The following XKR6 variants were observed in gnomAD, a reference collection of about 807,000 sequenced individuals.
XKR6 encodes the protein XK-related protein 6.
In XKR6, 22 loss-of-function variants were observed where a neutral mutation model predicts 56.7. That is an observed-to-expected ratio of 0.39 (90% CI 0.28 to 0.55). XKR6 has a LOEUF of 0.55. Ranked by LOEUF, XKR6 falls within the 20% of genes least tolerant of loss-of-function variation. The probability of loss-of-function intolerance (pLI) is 0.66; values close to 1 mark genes in which losing one functional copy is unlikely to be tolerated. For synonymous variants in XKR6, 524 were observed against 387.8 expected, an observed-to-expected ratio of 1.35 and a Z score of -4.13; for missense variants, 852 against 889.0, an observed-to-expected ratio of 0.96 and a Z score of 0.53.
intron 2 of XKR6, among the ~76,000 whole-genome samples, chr8:10,916,560 G>A (rs959764743): frequency 5.9e-5 from 9 of 152,190 alleles, no homozygotes; most frequent in Middle Eastern, 3.2e-3. Flanking sequence ...CTGATCAACC[G>A]ATCCAACTGA....
rs184806168 is a variant in XKR6 at position 11,086,943 on chromosome 8, G to A, written c.764+113633C>T. The stretch of plus-strand genomic sequence containing the variant: ...CAGGGATCAGTCCCACCTTCTTAGC[G>A]ATCTCCAGGCAGTGGCTCCATGGTC... On this transcript the variant is annotated intron_variant, in intron 1 of 2. Transcript: ENST00000416569. 5.9e-5 allele frequency among the ~76,000 whole-genome samples: 9 copies of A among 152,312 alleles called. No individual in the cohort carries two copies. The East Asian group carries it at 7.7e-4, about 13-fold the overall frequency.
intron 1 of XKR6, among the ~76,000 whole-genome samples, chr8:11,159,252 T>TCATCA (rs1423569777): frequency 1.3e-5 from 2 of 152,226 alleles, no homozygotes; most frequent in African/African-American, 4.8e-5. Flanking sequence ...AGAAAGCATG[T>TCATCA]CATCAGAGAA....
rs34248780 is a variant in XKR6 at position 10,954,866 on chromosome 8, C to CTTTTTTTTTTTTTTTTTTTTTTT, written c.765-30037_765-30036insAAAAAAAAAAAAAAAAAAAAAAA. The stretch of plus-strand genomic sequence containing the variant: ...TAAGGTAAGGGTCTAACTTCATTCT[C>CTTTTTTTTTTTTTTTTTTTTTTT]TTTTTTTTTTTTTTTTTTTTAGACA... On this transcript the variant is annotated intron_variant, in intron 1 of 2. Transcript: ENST00000416569. Among the ~76,000 whole-genome samples, 85 of 92,788 alleles carry CTTTTTTTTTTTTTTTTTTTTTTT rather than the reference C, an allele frequency of 9.2e-4. 11 individuals carry two copies. Among genetic ancestry groups the CTTTTTTTTTTTTTTTTTTTTTTT allele is most frequent in the Non-Finnish European group, 1.3e-3 (61 of 45,932 alleles). 60.9% of individuals were successfully genotyped at this position (92,788 alleles called of 152,430 possible).
At chr8:11,051,265 C>G (rs923845192) in intron 1 of XKR6, among the ~76,000 whole-genome samples, 2 of 152,116 alleles carry the variant, frequency 1.3e-5, no homozygotes, top group East Asian at 3.9e-4. Flanking sequence ...TCCCCCACCT[C>G]CTGTCCTCCA....
chr8:11,085,645 A>G (rs1027915732), intron 1 of XKR6, among the ~76,000 whole-genome samples: 1 of 152,158 alleles, frequency 6.6e-6, no homozygotes, highest in African/African-American at 2.4e-5. Context: ...TGCCCGCCAT[A>G]GGATGGTCTC....
At chr8:11,011,670 G>A (rs991550622) in intron 1 of XKR6, among the ~76,000 whole-genome samples, 4 of 152,192 alleles carry the variant, frequency 2.6e-5, no homozygotes, top group African/African-American at 9.7e-5. Context: ...GATAGAGCAG[G>A]GAAAGGGACA....
At chr8:11,185,317 C>G (rs1482070386) in intron 1 of XKR6, among the ~76,000 whole-genome samples, 3 of 152,122 alleles carry the variant, frequency 2.0e-5, no homozygotes, top group African/African-American at 7.2e-5. Context: ...GTGTTTTGGT[C>G]TTTACTTAAA....
At chr8:10,902,698 A>G (rs1563278539) in intron 2 of XKR6, among the ~76,000 whole-genome samples, 1 of 152,236 alleles carries the variant, frequency 6.6e-6, no homozygotes, top group African/African-American at 2.4e-5. Context: ...TAGTGAAAGG[A>G]GAAGGTGAAC....
chr8:11,084,691 G>A (rs994357092), intron 1 of XKR6, among the ~76,000 whole-genome samples: 3 of 152,174 alleles, frequency 2.0e-5, no homozygotes, highest in African/African-American at 7.2e-5. Context: ...GAGTTAATGT[G>A]TGGGAGCTAT....
chr8:10,945,412 A>G (rs1801505294), intron 1 of XKR6, among the ~76,000 whole-genome samples: 1 of 152,156 alleles, frequency 6.6e-6, no homozygotes, highest in African/African-American at 2.4e-5. Context: ...TGAACTCGGG[A>G]GGTGGAAGTT....
chr8:10,977,462 C>T (rs976002378), intron 1 of XKR6, among the ~76,000 whole-genome samples: 2 of 151,644 alleles, frequency 1.3e-5, no homozygotes, highest in Admixed American at 6.6e-5. Flanking sequence ...GGCAGTAAGT[C>T]CCCCGCCACT....
At chr8:11,092,929 C>A (rs1260582933) in intron 1 of XKR6, among the ~76,000 whole-genome samples, 1 of 152,240 alleles carries the variant, frequency 6.6e-6, no homozygotes, top group Non-Finnish European at 1.5e-5. Context: ...TGGCCCAGGA[C>A]CCCCGCTGAG....
At chr8:11,000,833 A>G (rs1457286939) in intron 1 of XKR6, among the ~76,000 whole-genome samples, 1 of 152,190 alleles carries the variant, frequency 6.6e-6, no homozygotes, top group African/African-American at 2.4e-5. Flanking sequence ...AGTAAGATGC[A>G]TAGCCGGGAA....
chr8:11,198,855 T>A (rs2117164728), intron 1 of XKR6, among the ~76,000 whole-genome samples: 1 of 152,174 alleles, frequency 6.6e-6, no homozygotes, highest in South Asian at 2.1e-4. Context: ...CCCCATACTT[T>A]TTGTCCCTCC....
rs538900963 is a variant in XKR6, at chr8:11,055,907, C to G, written c.765-131077G>C. 3.1e-3 allele frequency among the ~76,000 whole-genome samples: 478 copies of G among 152,280 alleles called. 2 individuals carry two copies. The highest frequency in any genetic ancestry group is 0.011 in the African/African-American group (452 of 41,534). On this transcript the variant is annotated intron_variant, in intron 1 of 2. Coordinates refer to ENST00000416569, the MANE Select transcript of XKR6 (RefSeq NM_173683.4). ...CGTAAAACCTGATTTCCTTCATACC[C>G]CCGCTCCATACACTTTGTGTTCCAG...
chr8:10,942,179 G>C (rs1280508415), intron 1 of XKR6, among the ~76,000 whole-genome samples: 4 of 152,054 alleles, frequency 2.6e-5, no homozygotes, highest in Non-Finnish European at 4.4e-5. Context: ...ACCACACACA[G>C]TTGCATACAC....
chr8:10,948,887 C>G (rs913106509), intron 1 of XKR6, among the ~76,000 whole-genome samples: 4 of 152,228 alleles, frequency 2.6e-5, no homozygotes, highest in Non-Finnish European at 5.9e-5. Flanking sequence ...GGCACAGCAC[C>G]ACCCAGGGTG....
intron 1 of XKR6, chr8:11,124,160 T>A (rs527691178): frequency 5.4e-6 from 2 of 371,316 alleles, no homozygotes; most frequent in South Asian, 4.1e-5. Flanking sequence ...CATTTACATA[T>A]GAAACTACAG....
chr8:11,126,463 T>C (rs1329149595), intron 1 of XKR6, among the ~76,000 whole-genome samples: 1 of 152,086 alleles, frequency 6.6e-6, no homozygotes, highest in Non-Finnish European at 1.5e-5. Context: ...CTTGAATTTT[T>C]TTTTTTAAGT....
Sources: allele counts gnomAD v4.1 joint callset (sites outside exome capture counted in the v4.1 genomes callset), GRCh38; gene constraint gnomAD v4.1.1; transcripts MANE v1.5; gene names NCBI Gene and HGNC (gene_info 2026-07-23, HGNC 2026-07-21).